SERPINI2: variants seen among roughly 807,000 people sequenced by gnomAD.
The protein encoded by SERPINI2 is serpin family I member 2.
In SERPINI2, 48 loss-of-function variants were observed where a neutral mutation model predicts 47.3. The ratio of observed to expected loss-of-function variants is 1.02; its 90% confidence interval spans 0.81 to 1.29. The LOEUF is 1.29. Among genes scored for constraint, SERPINI2 ranks in the 50% most tolerant of loss-of-function variants. The pLI, the probability that SERPINI2 is intolerant of heterozygous loss-of-function variation, is 0.00. For missense variants in SERPINI2, 448 were observed against 456.9 expected, an observed-to-expected ratio of 0.98 and a Z score of 0.18; for synonymous variants, 135 against 149.3, an observed-to-expected ratio of 0.90 and a Z score of 0.70.
chr3:167,445,962 C>T (rs1434618414), intron 8 of SERPINI2, among the ~76,000 whole-genome samples: 3 of 152,108 alleles, frequency 2.0e-5, no homozygotes, highest in Admixed American at 6.5e-5. Flanking sequence ...TTTTGGTATC[C>T]ACCTCTGAAT....
intron 5 of SERPINI2, among the ~76,000 whole-genome samples, chr3:167,458,453 G>C (rs1475024890): frequency 2.0e-5 from 3 of 148,820 alleles, no homozygotes; most frequent in Non-Finnish European, 4.5e-5. Context: ...TAGTAGAGAC[G>C]GGGTTTAACG....
At chr3:167,456,421 C>A (rs1400966028) in intron 5 of SERPINI2, among the ~76,000 whole-genome samples, 1 of 152,120 alleles carries the variant, frequency 6.6e-6, no homozygotes, top group Non-Finnish European at 1.5e-5. Context: ...AATTTACATT[C>A]ACCCACTTAT....
chr3:167,457,878 T>C (rs1749845395), intron 5 of SERPINI2, among the ~76,000 whole-genome samples: 1 of 152,128 alleles, frequency 6.6e-6, no homozygotes, highest in Admixed American at 6.5e-5. Context: ...CAAACTTAAT[T>C]TTAAGGACAA....
At chr3:167,458,245 C>CTTTTTTT (rs949215365) in intron 5 of SERPINI2, among the ~76,000 whole-genome samples, 7 of 105,204 alleles carry the variant, frequency 6.7e-5, no homozygotes, top group Non-Finnish European at 9.3e-5. Context: ...GAATTTCTTT[C>CTTTTTTT]TTTTTTTTTT....
At chr3:167,450,001 G>T (rs1220495377) in intron 6 of SERPINI2, among the ~76,000 whole-genome samples, 2 of 152,172 alleles carry the variant, frequency 1.3e-5, no homozygotes, top group African/African-American at 4.8e-5. Flanking sequence ...TATTTGAAGG[G>T]ACAGAGAGCT....
chr3:167,446,606 T>C, intron 7 of SERPINI2, 125 bp from the exon 8 acceptor site: 1 of 563,526 alleles, frequency 1.8e-6, no homozygotes, highest in Non-Finnish European at 3.0e-6. Context: ...TGTGGAAAAA[T>C]AACCATTTTC....
At chr3:167,460,750 G>C (rs1031711329) in intron 5 of SERPINI2, among the ~76,000 whole-genome samples, 6 of 152,132 alleles carry the variant, frequency 3.9e-5, no homozygotes, top group African/African-American at 1.4e-4. Flanking sequence ...GAATAAATTA[G>C]AGTGACCGGA....
rs539674546 is a variant in SERPINI2 at position 167,468,936 on chromosome 3, G to A, written c.248-1651C>T. Among the ~76,000 whole-genome samples, 19 of 152,246 alleles carry A rather than the reference G, an allele frequency of 1.2e-4. No individual in the cohort carries two copies. The South Asian group carries it at 3.7e-3, about 30-fold the overall frequency. ...ATCTTTAAAGGAATAAAAAAAGAGA[G>A]AAAGGGAGAAAAAGTAGTTCCAAAT... On this transcript the variant is annotated intron_variant, in intron 2 of 8. Coordinates refer to ENST00000264677, the Ensembl canonical transcript of SERPINI2.
In SERPINI2 at chr3:167,449,481, C is replaced by CATTT. The variant is rs199582993; in HGVS notation, c.965-83_965-80dup. 6.0e-3 allele frequency: 3,976 copies of CATTT among 665,198 alleles called. 39 individuals carry two copies. The highest frequency in any genetic ancestry group is 0.017 in the South Asian group (710 of 41,966). 41.2% of individuals were successfully genotyped at this position (665,198 alleles called of 1,614,324 possible). On this transcript the variant is annotated intron_variant, in intron 6 of 8. Transcript: ENST00000264677. ...TTACCTATTAGATCTCAATTAATTA[C>CATTT]ATTTATTTATTTATTTATTTATTTA... is the stretch of plus-strand genomic sequence containing the variant.
chr3:167,469,666 A>T (rs1205897839), intron 2 of SERPINI2: 3 of 152,172 alleles, frequency 2.0e-5, no homozygotes, highest in Non-Finnish European at 4.4e-5. Flanking sequence ...GTATTAACAG[A>T]TGTTCAGCAA....
At position 167,452,975 on chromosome 3, in the gene SERPINI2, CG is replaced by C. The variant is rs1749683578; in HGVS notation, c.924del (p.Glu309ArgfsTer12). 3.1e-6 allele frequency: 5 copies of C among 1,606,740 alleles called. No individual in the cohort carries two copies. The highest frequency in any genetic ancestry group is 1.3e-5 in the African/African-American group (1 of 74,402). The stretch of plus-strand genomic sequence containing the variant: ...AGGTCGCAGCCACCACTAAATATCT[CG>C]GTTATGTTCAAAGAATACAAAACGT... On this transcript the variant is annotated frameshift_variant, in exon 6 of 9. Coordinates refer to ENST00000264677, the Ensembl canonical transcript of SERPINI2. LOFTEE classifies it high-confidence loss of function.
At chr3:167,458,426 A>AT (rs34639120) in intron 5 of SERPINI2, among the ~76,000 whole-genome samples, 48,823 of 128,906 alleles carry the variant, frequency 0.38, 8,668 homozygotes, top group East Asian at 0.5. Context: ...AATTGTTTGT[A>AT]TTTTTTTTTT....
At chr3:167,453,991 T>C (rs1237231264) in intron 5 of SERPINI2, among the ~76,000 whole-genome samples, 3 of 152,230 alleles carry the variant, frequency 2.0e-5, no homozygotes, top group Admixed American at 2.0e-4. Flanking sequence ...CATGTAATAA[T>C]CTTAAACAGG....
chr3:167,468,589 T>TA (rs1348193559), intron 2 of SERPINI2, among the ~76,000 whole-genome samples: 1 of 152,162 alleles, frequency 6.6e-6, no homozygotes, highest in Non-Finnish European at 1.5e-5. Context: ...GGTATATAGA[T>TA]ACAGGTATAA....
At chr3:167,443,756 C>T (rs1749391769) in intron 8 of SERPINI2, among the ~76,000 whole-genome samples, 1 of 151,962 alleles carries the variant, frequency 6.6e-6, no homozygotes, top group Non-Finnish European at 1.5e-5. Context: ...CCCATTAGTC[C>T]CAGCCTTTTC....
At chr3:167,463,097 A>C (rs1319438936) in intron 5 of SERPINI2, among the ~76,000 whole-genome samples, 1 of 152,074 alleles carries the variant, frequency 6.6e-6, no homozygotes, top group Non-Finnish European at 1.5e-5. Flanking sequence ...CTGAGACCCC[A>C]CTGGTGGTAC....
In SERPINI2 at chr3:167,453,127, G is replaced by A. The variant is rs1046948825; in HGVS notation, c.867-94C>T. On this transcript the variant is annotated intron_variant, in intron 5 of 8. Transcript: ENST00000264677. ...TGGATGACTTAGAGGATAATATATT[G>A]TAAAATCTTTTGTTTTTATTATCTC... The A allele has an allele frequency of 6.9e-6, 4 of 582,966 alleles. No individual in the cohort carries two copies. In the Admixed American group the frequency reaches 1.4e-4, roughly 21 times the overall value. The allele number at this position is 582,966 out of a possible 1,614,324, so 36.1% of individuals were successfully genotyped here. A position where few individuals can be genotyped will look rare whatever the true frequency, so the allele number is the denominator to read the frequency against.
chr3:167,447,334 C>A (rs1016599649), intron 7 of SERPINI2, among the ~76,000 whole-genome samples: 1 of 152,134 alleles, frequency 6.6e-6, no homozygotes, highest in African/African-American at 2.4e-5. Flanking sequence ...TGAATATAGG[C>A]TCATGTCTGA....
rs747805883 is a variant in SERPINI2 at position 167,465,270 on chromosome 3, C to T, written c.802G>A (p.Ala268Thr). 7.4e-6 allele frequency: 12 copies of T among 1,612,660 alleles called. No individual in the cohort carries two copies. Among genetic ancestry groups the T allele is most frequent in the Admixed American group, 6.7e-5 (4 of 59,734 alleles). ...GAGAGCCATTTTAGGATTTGTTGAG[C>T]AGTAATTAGTTTTTCCACTTCTTCT... The change falls in exon 5 of 9, where the codon GCT (alanine) becomes ACT (threonine). Residue 268 changes from alanine (A) to threonine (T), a missense_variant. Coordinates refer to ENST00000264677, the Ensembl canonical transcript of SERPINI2.
Sources: allele counts gnomAD v4.1 joint callset (sites outside exome capture counted in the v4.1 genomes callset), GRCh38; gene constraint gnomAD v4.1.1; transcripts MANE v1.5; gene names NCBI Gene and HGNC (gene_info 2026-07-23, HGNC 2026-07-21).